The following BAZ1B variants were observed in gnomAD, a reference collection of about 807,000 sequenced individuals.
BAZ1B encodes tyrosine-protein kinase BAZ1B.
In BAZ1B, 22 loss-of-function variants were observed where a neutral mutation model predicts 153.8. The observed-to-expected ratio is 0.14, with a 90% confidence interval of 0.10 to 0.20. BAZ1B has a LOEUF of 0.20. BAZ1B is among the 10% of genes least tolerant of loss of function. The pLI is 1.00. For synonymous variants in BAZ1B, 676 were observed against 633.4 expected, an observed-to-expected ratio of 1.07 and a Z score of -1.01; for missense variants, 1,325 against 1,799.3, an observed-to-expected ratio of 0.74 and a Z score of 4.77.
intron 6 of BAZ1B, among the ~76,000 whole-genome samples, chr7:73,484,299 A>C (rs1789314707): frequency 6.8e-6 from 1 of 147,308 alleles, no homozygotes. Flanking sequence ...AGGAAGATAG[A>C]TAGATAGATA....
At chr7:73,449,805 A>C in intron 14 of BAZ1B, 116 bp from the exon 15 acceptor site, 2 of 1,129,678 alleles carry the variant, frequency 1.8e-6, no homozygotes, top group Non-Finnish European at 2.4e-6. Context: ...GTTCCATAGA[A>C]TGCTACCCAG....
intron 1 of BAZ1B, among the ~76,000 whole-genome samples, chr7:73,516,979 C>T (rs1338435155): frequency 1.3e-5 from 2 of 150,166 alleles, no homozygotes; most frequent in African/African-American, 4.9e-5. Context: ...GTCAGGAGTT[C>T]GAGACCAGCC....
At chr7:73,470,572 A>C (rs1554571860) in intron 7 of BAZ1B, 89 bp from the exon 8 acceptor site, 5 of 1,409,468 alleles carry the variant, frequency 3.5e-6, no homozygotes, top group South Asian at 1.4e-5. Flanking sequence ...AAAAGTGCCT[A>C]GTATACAGTA....
intron 3 of BAZ1B, among the ~76,000 whole-genome samples, chr7:73,506,416 G>C (rs935523166): frequency 6.8e-6 from 1 of 147,944 alleles, no homozygotes; most frequent in Non-Finnish European, 1.5e-5. Context: ...GGAGAATGGC[G>C]TGAACCCAGG....
chr7:73,508,507 A>G, intron 2 of BAZ1B, 36 bp from the exon 3 acceptor site: 1 of 1,572,326 alleles, frequency 6.4e-7, no homozygotes, highest in Non-Finnish European at 8.6e-7. Flanking sequence ...GAAAACACAG[A>G]AACACCTACC....
chr7:73,516,772 CAAAAAAA>C (rs71517390), intron 1 of BAZ1B, among the ~76,000 whole-genome samples: 14 of 53,454 alleles, frequency 2.6e-4, no homozygotes, highest in Non-Finnish European at 2.8e-4. Context: ...GTGACTGTCT[CAAAAAAA>C]AAAAAAAAAA....
chr7:73,469,263 A>G (rs1788708979), intron 9 of BAZ1B, among the ~76,000 whole-genome samples: 1 of 152,310 alleles, frequency 6.6e-6, no homozygotes, highest in South Asian at 2.1e-4. Context: ...TGCTCCTATA[A>G]AAGCTAATAC....
intron 13 of BAZ1B, among the ~76,000 whole-genome samples, chr7:73,454,712 C>G (rs1158831118): frequency 1.3e-5 from 2 of 152,188 alleles, no homozygotes; most frequent in African/African-American, 4.8e-5. Context: ...TCCTCTCTTC[C>G]CTCTGGTAAG....
At chr7:73,468,452 G>C (rs1408723256) in intron 9 of BAZ1B, among the ~76,000 whole-genome samples, 2 of 151,800 alleles carry the variant, frequency 1.3e-5, no homozygotes, top group Non-Finnish European at 2.9e-5. Context: ...CAAAATGTCA[G>C]TAACACTGAG....
chr7:73,498,828 G>T, intron 3 of BAZ1B, 130 bp from the exon 4 acceptor site: 1 of 772,146 alleles, frequency 1.3e-6, no homozygotes, highest in Non-Finnish European at 2.0e-6. Context: ...AAGTATCCAA[G>T]TACAATGAAG....
Position 73,498,542 on chromosome 7 carries a change from T to C in BAZ1B, c.526A>G (p.Lys176Glu), listed in dbSNP as rs1018866609. 2 of 1,614,030 alleles carry C rather than the reference T, an allele frequency of 1.2e-6. No homozygotes were observed. Among genetic ancestry groups the C allele is most frequent in the African/African-American group, 2.7e-5 (2 of 75,062 alleles). The change falls in exon 4 of 20, where the codon AAG becomes GAG. Residue 176 changes from lysine (K) to glutamate (E), a missense_variant. Lys to Glu is a moderately conservative substitution (Grantham distance 56). This residue lies in a region of BAZ1B where 153 missense variants were observed against 204.8 expected (regional missense o/e 0.75). Transcript: ENST00000339594. ...TCATCCTCTTTCACAACTGTCTCCT[T>C]CTTCTGATGGTCCTGAGCAATCTGA... ...SSQIAQDHQK[K>E]ETVVKEDEGR...
chr7:73,442,116 C>G, intron 19 of BAZ1B, 65 bp downstream of exon 19: 1 of 1,076,936 alleles, frequency 9.3e-7, no homozygotes, highest in East Asian at 2.4e-5. Context: ...CTTCCAGGTT[C>G]TTGGTCTTCC....
At chr7:73,514,027 C>G (rs756987004) in intron 1 of BAZ1B, among the ~76,000 whole-genome samples, 1 of 152,130 alleles carries the variant, frequency 6.6e-6, no homozygotes, top group Admixed American at 6.6e-5. Context: ...TTTTGAATTT[C>G]TTTCAGATTT....
intron 13 of BAZ1B, among the ~76,000 whole-genome samples, chr7:73,458,958 AAACT>A (rs1788294947): frequency 6.6e-6 from 1 of 152,178 alleles, no homozygotes. Flanking sequence ...AAAAGAAAGT[AAACT>A]GGTAGACCAG....
At chr7:73,481,246 G>C (rs1369292115) in intron 6 of BAZ1B, among the ~76,000 whole-genome samples, 3 of 152,018 alleles carry the variant, frequency 2.0e-5, no homozygotes. Context: ...AAACATTAGG[G>C]GCTGGGCGTG....
chr7:73,477,342 C>T lies in BAZ1B; in HGVS notation c.2119G>A (p.Gly707Ser), dbSNP rs781915713. The change falls in exon 7 of 20, where the codon GGC becomes AGC. Residue 707 changes from glycine (G) to serine (S), a missense_variant. Physicochemically the swap from Gly to Ser is moderately conservative, Grantham distance 56. Transcript: ENST00000339594. The surrounding 1 kb of genome is among the most constrained non-coding windows in gnomAD (Gnocchi z 5.6). ...RRSDVQEESE[G>S]SDTDDNKDSA... ...TCTTTATTGTCATCTGTGTCTGAGC[C>T]CTCGCTTTCCTCCTGAACATCAGAT... 2.5e-6 allele frequency: 4 copies of T among 1,614,248 alleles called. No homozygotes were observed. In the South Asian group the frequency reaches 4.4e-5, roughly 18 times the overall value.
At chr7:73,452,839 A>G (rs2116247834) in intron 13 of BAZ1B, among the ~76,000 whole-genome samples, 1 of 152,302 alleles carries the variant, frequency 6.6e-6, no homozygotes, top group South Asian at 2.1e-4. Flanking sequence ...CAATGGGTTT[A>G]TTGGGACATA....
Position 73,514,601 on chromosome 7 carries a change from G to A in BAZ1B, c.108-3749C>T, listed in dbSNP as rs191527245. The stretch of plus-strand genomic sequence containing the variant: ...CAGGCACGAACATCGCTCAAGCCCA[G>A]GAGTTCAAGAGCAGCCTGGGCAACA... On this transcript the variant is annotated intron_variant, in intron 1 of 19. Coordinates refer to ENST00000339594, the MANE Select transcript of BAZ1B (RefSeq NM_032408.4). 4.9e-3 allele frequency among the ~76,000 whole-genome samples: 747 copies of A among 151,748 alleles called. 8 individuals carry two copies. Among genetic ancestry groups the A allele is most frequent in the Non-Finnish European group, 8.3e-3 (565 of 67,970 alleles).
chr7:73,503,774 T>C (rs782409262), intron 3 of BAZ1B, among the ~76,000 whole-genome samples: 1 of 152,206 alleles, frequency 6.6e-6, no homozygotes, highest in African/African-American at 2.4e-5. Flanking sequence ...TACCTGGCTC[T>C]ATGCTTAAAT....
Sources: allele counts gnomAD v4.1 joint callset (sites outside exome capture counted in the v4.1 genomes callset), GRCh38; gene constraint gnomAD v4.1.1; regional missense constraint gnomAD v4.1.1; non-coding constraint Gnocchi (gnomAD v3.1); transcripts MANE v1.5; gene names NCBI Gene and HGNC (gene_info 2026-07-23, HGNC 2026-07-21).